RIC8B: variants seen among roughly 807,000 people sequenced by gnomAD.
The protein encoded by RIC8B is RIC8 guanine nucleotide exchange factor B.
Under a neutral mutation model 57.5 loss-of-function variants are expected in RIC8B, and 16 were observed. That is an observed-to-expected ratio of 0.28 (90% CI 0.19 to 0.42). The LOEUF (loss-of-function observed/expected upper bound fraction) is 0.42, where lower values mean the gene tolerates loss of function less well. Among genes scored for constraint, RIC8B ranks in the 10% least tolerant of loss-of-function variants. RIC8B has a pLI of 1.00. For missense variants in RIC8B, 481 were observed against 677.0 expected, an observed-to-expected ratio of 0.71 and a Z score of 3.21; for synonymous variants, 216 against 250.8, an observed-to-expected ratio of 0.86 and a Z score of 1.31.
chr12:106,792,749 A>G (rs1003732728), intron 2 of RIC8B, among the ~76,000 whole-genome samples: 4 of 152,102 alleles, frequency 2.6e-5, no homozygotes, highest in Non-Finnish European at 5.9e-5. Context: ...CACTGTGGTG[A>G]GCTATGATCA....
intron 2 of RIC8B, among the ~76,000 whole-genome samples, chr12:106,806,553 C>T (rs1277876426): frequency 6.6e-6 from 1 of 152,040 alleles, no homozygotes; most frequent in East Asian, 1.9e-4. Flanking sequence ...GCCTTTATTG[C>T]CGGCGCAATG....
chr12:106,874,571 G>C, intron 9 of RIC8B: 4 of 1,548,378 alleles, frequency 2.6e-6, no homozygotes, highest in Non-Finnish European at 3.5e-6. Flanking sequence ...GACTAAGGTT[G>C]GTCATGCCAA....
chr12:106,858,176 T>G (rs1224018900), intron 7 of RIC8B, among the ~76,000 whole-genome samples: 1 of 152,200 alleles, frequency 6.6e-6, no homozygotes, highest in Non-Finnish European at 1.5e-5. Flanking sequence ...TCTTTTAATT[T>G]TTCGCCATTT....
At chr12:106,868,064 C>A (rs180778406) in intron 8 of RIC8B, among the ~76,000 whole-genome samples, 106 of 152,280 alleles carry the variant, frequency 7.0e-4, no homozygotes, top group African/African-American at 2.3e-3. Context: ...CTTGAGGTTA[C>A]CTTATGTAAA....
intron 2 of RIC8B, among the ~76,000 whole-genome samples, chr12:106,790,673 A>C (rs1407448768): frequency 1.3e-5 from 2 of 152,244 alleles, no homozygotes; most frequent in Non-Finnish European, 2.9e-5. Flanking sequence ...AACTGACCTC[A>C]AAACCAATAA....
At chr12:106,805,299 T>C (rs534871380) in intron 2 of RIC8B, among the ~76,000 whole-genome samples, 40 of 152,322 alleles carry the variant, frequency 2.6e-4, no homozygotes, top group African/African-American at 9.1e-4. Context: ...TTCTTCATTC[T>C]TGACCAATCA....
chr12:106,808,443 A>T (rs1187306672), intron 2 of RIC8B, among the ~76,000 whole-genome samples: 1 of 152,198 alleles, frequency 6.6e-6, no homozygotes, highest in Non-Finnish European at 1.5e-5. Context: ...CTTACAAAGG[A>T]TAAGAAATGT....
At chr12:106,842,380 GT>G (rs987241111) in intron 4 of RIC8B, among the ~76,000 whole-genome samples, 3 of 151,504 alleles carry the variant, frequency 2.0e-5, no homozygotes, top group Non-Finnish European at 2.9e-5. Flanking sequence ...TTCAACATTT[GT>G]TTTTTTTCTA....
chr12:106,849,601 C>A (rs1949373281), intron 6 of RIC8B, among the ~76,000 whole-genome samples: 1 of 151,554 alleles, frequency 6.6e-6, no homozygotes, highest in Admixed American at 6.6e-5. Context: ...TAACAAGATC[C>A]CCAGGTGTTT....
intron 9 of RIC8B, among the ~76,000 whole-genome samples, chr12:106,885,593 G>GC (rs1022219894): frequency 6.7e-6 from 1 of 150,248 alleles, no homozygotes; most frequent in Non-Finnish European, 1.5e-5. Flanking sequence ...AAAAAAAAAG[G>GC]TTAATTATTC....
At chr12:106,783,798 A>G (rs1029534323) in intron 1 of RIC8B, among the ~76,000 whole-genome samples, 199 bp from the exon 2 acceptor site, 2 of 152,222 alleles carry the variant, frequency 1.3e-5, no homozygotes, top group Non-Finnish European at 2.9e-5. Context: ...GCTCCTTTGT[A>G]TATATATCTG....
intron 2 of RIC8B, among the ~76,000 whole-genome samples, chr12:106,807,484 A>G (rs879624948): frequency 6.6e-6 from 1 of 152,178 alleles, no homozygotes; most frequent in Admixed American, 6.5e-5. Context: ...TAGGCTATAG[A>G]AGGGGATAAG....
chr12:106,829,778 C>T (rs1018340948), intron 4 of RIC8B, among the ~76,000 whole-genome samples: 1 of 152,188 alleles, frequency 6.6e-6, no homozygotes, highest in South Asian at 2.1e-4. Context: ...CCACTGCACA[C>T]AGAGGTGTTT....
Position 106,886,099 on chromosome 12 carries a change from T to A in RIC8B, c.*84T>A. 1 of 958,852 alleles carries A rather than the reference T, an allele frequency of 1.0e-6. No individual in the cohort carries two copies. Among genetic ancestry groups the A allele is most frequent in the Non-Finnish European group, 1.7e-6 (1 of 604,816 alleles). The allele number at this position is 958,852 out of a possible 1,614,324, so 59.4% of individuals were successfully genotyped here. ...AGGGGAATCTTTTCTCTAAAACATT[T>A]ATGCCCTTGCTTTGGCTAGAAACAC... On this transcript the variant is annotated 3_prime_UTR_variant, in exon 10 of 10. Transcript: ENST00000392837.
At position 106,888,527 on chromosome 12, in the gene RIC8B, A is replaced by G. The variant is rs534747100; in HGVS notation, c.*2512A>G. 2 of 152,804 alleles carry G rather than the reference A, an allele frequency of 1.3e-5. No homozygotes were observed. The highest frequency in any genetic ancestry group is 4.2e-4 in the South Asian group (2 of 4,812). The allele number at this position is 152,804 out of a possible 1,614,324, so 9.5% of individuals were successfully genotyped here. On this transcript the variant is annotated 3_prime_UTR_variant, in exon 10 of 10. Coordinates refer to ENST00000392837, the MANE Select transcript of RIC8B (RefSeq NM_001330145.2). The stretch of plus-strand genomic sequence containing the variant: ...CACTCCTTCCTTTTCCCCACAGCAC[A>G]CCTGGGCCCACACTGTGCCTCCTTA...
rs553800851 is a variant in RIC8B at position 106,883,953 on chromosome 12, G to A, written c.1572-1951G>A. 2.6e-5 allele frequency among the ~76,000 whole-genome samples: 4 copies of A among 152,122 alleles called. No homozygotes were observed. The South Asian group carries it at 6.2e-4, about 24-fold the overall frequency. ...TTCCCCAAACACTGGGCCCTTTCCCGGCTTCATGAGAGCACAGAGATAGAA... is the reference window on the plus strand; with the variant it reads ...TTCCCCAAACACTGGGCCCTTTCCCAGCTTCATGAGAGCACAGAGATAGAA... On this transcript the variant is annotated intron_variant, in intron 9 of 9. Transcript: ENST00000392837.
chr12:106,776,924 G>A lies in RIC8B; in HGVS notation c.84+2095G>A, dbSNP rs529574812. ...CTGTATCTGTCACCCAGGCTGGAGT[G>A]CACTGGTGCAATCACGGCTCACTGC... On this transcript the variant is annotated intron_variant, in intron 1 of 9. Transcript: ENST00000392837. Among the ~76,000 whole-genome samples the A allele has an allele frequency of 2.2e-3, 336 of 152,298 alleles. 1 individual carries two copies. Among genetic ancestry groups the A allele is most frequent in the Non-Finnish European group, 3.9e-3 (266 of 68,028 alleles).
intron 2 of RIC8B, among the ~76,000 whole-genome samples, chr12:106,809,455 G>A (rs998379650): frequency 4.6e-5 from 7 of 151,370 alleles, no homozygotes; most frequent in Non-Finnish European, 5.9e-5. Flanking sequence ...CTCCGAAGGC[G>A]GAGGTTACAG....
At chr12:106,807,494 G>C (rs1462387914) in intron 2 of RIC8B, among the ~76,000 whole-genome samples, 1 of 152,162 alleles carries the variant, frequency 6.6e-6, no homozygotes, top group East Asian at 1.9e-4. Flanking sequence ...AAGGGGATAA[G>C]ACAGTGGAGA....
Sources: allele counts gnomAD v4.1 joint callset (sites outside exome capture counted in the v4.1 genomes callset), GRCh38; gene constraint gnomAD v4.1.1; transcripts MANE v1.5; gene names NCBI Gene and HGNC (gene_info 2026-07-23, HGNC 2026-07-21).